Variants in SH3RF1 observed in about 807,000 individuals in gnomAD.
SH3RF1 encodes the protein SH3 domain containing ring finger 1.
Under a neutral mutation model 74.0 loss-of-function variants are expected in SH3RF1, and 32 were observed. The observed-to-expected ratio is 0.43, with a 90% CI of 0.33 to 0.58. The LOEUF is 0.58. Ranked by LOEUF, SH3RF1 falls within the 20% of genes least tolerant of loss-of-function variation. The pLI, the probability that SH3RF1 is intolerant of heterozygous loss-of-function variation, is 0.05. For missense variants in SH3RF1, 954 were observed against 1,130.9 expected, an observed-to-expected ratio of 0.84 and a Z score of 2.24; for synonymous variants, 396 against 439.6, an observed-to-expected ratio of 0.90 and a Z score of 1.24.
chr4:169,269,862 A>G (rs1292716663), intron 1 of SH3RF1: 2 of 152,246 alleles, frequency 1.3e-5, no homozygotes, highest in East Asian at 3.9e-4. Context: ...GCCCAACCAA[A>G]AAGAGCTGAA....
At chr4:169,156,716 A>C (rs748774878) in intron 2 of SH3RF1, 37 bp from the exon 3 acceptor site, 1 of 1,527,004 alleles carries the variant, frequency 6.5e-7, no homozygotes, top group South Asian at 1.3e-5. Flanking sequence ...TTAATAAAAT[A>C]ATGGTCTTAA....
chr4:169,126,389 A>G (rs1010213068), intron 6 of SH3RF1, among the ~76,000 whole-genome samples: 3 of 152,114 alleles, frequency 2.0e-5, no homozygotes, highest in Non-Finnish European at 4.4e-5. Flanking sequence ...TCTCCTGCCA[A>G]TTCCAAAGGC....
intron 8 of SH3RF1, among the ~76,000 whole-genome samples, chr4:169,118,977 G>T (rs1030359896): frequency 6.6e-6 from 1 of 152,104 alleles, no homozygotes; most frequent in Non-Finnish European, 1.5e-5. Context: ...TCATTTAAAT[G>T]ATAACAATTC....
intron 2 of SH3RF1, among the ~76,000 whole-genome samples, chr4:169,162,115 C>A (rs1042715315): frequency 6.6e-6 from 1 of 152,044 alleles, no homozygotes; most frequent in Non-Finnish European, 1.5e-5. Flanking sequence ...CAAGATGGCG[C>A]CACTGCACTC....
At chr4:169,200,336 G>A (rs1734887923) in intron 2 of SH3RF1, among the ~76,000 whole-genome samples, 1 of 152,022 alleles carries the variant, frequency 6.6e-6, no homozygotes, top group South Asian at 2.1e-4. Context: ...CAGTCTCAAT[G>A]GAGTTCCAAC....
chr4:169,109,212 C>T (rs1733200131), intron 10 of SH3RF1, among the ~76,000 whole-genome samples: 1 of 152,202 alleles, frequency 6.6e-6, no homozygotes, highest in African/African-American at 2.4e-5. Flanking sequence ...CCCAAAGGTC[C>T]AGTGAGAACA....
At chr4:169,199,350 T>G (rs1431112256) in intron 2 of SH3RF1, among the ~76,000 whole-genome samples, 1 of 152,194 alleles carries the variant, frequency 6.6e-6, no homozygotes. Flanking sequence ...GTCTAATGTT[T>G]GGTTGGCAGG....
At chr4:169,228,335 C>A (rs1730682523) in intron 2 of SH3RF1, among the ~76,000 whole-genome samples, 1 of 152,094 alleles carries the variant, frequency 6.6e-6, no homozygotes, top group African/African-American at 2.4e-5. Flanking sequence ...TTCTGGAGGT[C>A]AGAGTACAAA....
At chr4:169,117,903 A>C in intron 8 of SH3RF1, 121 bp from the exon 9 acceptor site, 2 of 1,211,410 alleles carry the variant, frequency 1.7e-6, no homozygotes, top group Non-Finnish European at 2.3e-6. Flanking sequence ...AAATGAATGG[A>C]ATTATTTTTA....
At chr4:169,115,274 C>T (rs911283468) in intron 10 of SH3RF1, among the ~76,000 whole-genome samples, 15 of 152,172 alleles carry the variant, frequency 9.9e-5, no homozygotes, top group Admixed American at 9.2e-4. Flanking sequence ...TGGACCAGTA[C>T]TAGCCTGTGG....
intron 4 of SH3RF1, among the ~76,000 whole-genome samples, chr4:169,154,762 C>T (rs1157532937): frequency 1.3e-5 from 2 of 152,076 alleles, no homozygotes; most frequent in African/African-American, 2.4e-5. Flanking sequence ...AAAATGCCTT[C>T]GATTTTATTT....
At chr4:169,270,685 G>A (rs979129466) in intron 1 of SH3RF1, 174 bp downstream of exon 1, 23 of 152,340 alleles carry the variant, frequency 1.5e-4, no homozygotes, top group African/African-American at 5.5e-4. Flanking sequence ...AGAGGCCGCG[G>A]GCTGCTCCGC....
intron 4 of SH3RF1, among the ~76,000 whole-genome samples, chr4:169,149,362 C>A (rs890683927): frequency 2.0e-5 from 3 of 152,120 alleles, no homozygotes; most frequent in African/African-American, 7.2e-5. Flanking sequence ...TTTTCCTTTT[C>A]CTTCTATTGT....
chr4:169,268,415 C>T (rs1247159862), intron 2 of SH3RF1, among the ~76,000 whole-genome samples: 1 of 152,070 alleles, frequency 6.6e-6, no homozygotes, highest in African/African-American at 2.4e-5. Context: ...TATGATTTAC[C>T]CACACACATA....
chr4:169,095,032 T>C lies in SH3RF1; in HGVS notation c.*1487A>G, dbSNP rs767917791. ...TTGTTTTCCGGACTACCCAGATCCA[T>C]GACTGCGTGGCACCGTAATGAAATC... On this transcript the variant is annotated 3_prime_UTR_variant, in exon 12 of 12. Coordinates refer to ENST00000284637, the MANE Select transcript of SH3RF1 (RefSeq NM_020870.4). 1 of 152,650 alleles carries C rather than the reference T, an allele frequency of 6.6e-6. No homozygotes were observed. The highest frequency in any genetic ancestry group is 1.5e-5 in the Non-Finnish European group (1 of 68,054). The allele number at this position is 152,650 out of a possible 1,614,324, so 9.5% of individuals were successfully genotyped here.
chr4:169,204,441 T>G (rs1371838261), intron 2 of SH3RF1, among the ~76,000 whole-genome samples: 3 of 151,964 alleles, frequency 2.0e-5, no homozygotes, highest in Admixed American at 6.6e-5. Flanking sequence ...AGTTTAACAC[T>G]CCACATATAT....
intron 5 of SH3RF1, among the ~76,000 whole-genome samples, chr4:169,132,001 C>T (rs772264514): frequency 1.3e-5 from 2 of 152,258 alleles, no homozygotes; most frequent in Non-Finnish European, 2.9e-5. Flanking sequence ...TGAGAAGACT[C>T]GGTATCCAGG....
intron 4 of SH3RF1, among the ~76,000 whole-genome samples, chr4:169,140,294 T>A (rs997251958): frequency 6.6e-6 from 1 of 152,344 alleles, no homozygotes; most frequent in African/African-American, 2.4e-5. Context: ...CATGTATGAA[T>A]GTTTGAGCTC....
intron 4 of SH3RF1, among the ~76,000 whole-genome samples, chr4:169,154,651 A>G (rs558011517): frequency 6.6e-6 from 1 of 152,264 alleles, no homozygotes; most frequent in African/African-American, 2.4e-5. Flanking sequence ...ACCCTTATTT[A>G]TCCATCACAC....
Sources: allele counts gnomAD v4.1 joint callset (sites outside exome capture counted in the v4.1 genomes callset), GRCh38; gene constraint gnomAD v4.1.1; transcripts MANE v1.5; gene names NCBI Gene and HGNC (gene_info 2026-07-23, HGNC 2026-07-21).